Variants in CEP192 observed in about 807,000 individuals in gnomAD.
CEP192 encodes the protein centrosomal protein of 192 kDa.
A neutral mutation model predicts 271.8 loss-of-function variants in CEP192; 151 were observed. That is an observed-to-expected ratio of 0.56 (90% CI 0.49 to 0.64). CEP192 has a LOEUF of 0.64. Ranked by LOEUF, CEP192 falls within the 30% of genes least tolerant of loss-of-function variation. The probability of loss-of-function intolerance (pLI) is 0.00; values close to 1 mark genes in which losing one functional copy is unlikely to be tolerated. For missense variants in CEP192, 2,910 were observed against 3,020.5 expected, an observed-to-expected ratio of 0.96 and a Z score of 0.86; for synonymous variants, 995 against 1,076.5, an observed-to-expected ratio of 0.92 and a Z score of 1.48.
rs192374521 is a variant in CEP192, at chr18:13,040,932, C to T, written c.1912C>T (p.His638Tyr). Reference sequence around the variant, plus strand: ...AGGTAATTTGGAAAAAGAAATGGCTCATCTTAACCATGATCTATATTCAGG... The same window carrying T: ...AGGTAATTTGGAAAAAGAAATGGCTTATCTTAACCATGATCTATATTCAGG... ...SRGNLEKEMA[H>Y]LNHDLYSGDL... is the part of the protein sequence containing the mutation. Residue 638 changes from histidine to tyrosine, a missense_variant, in exon 14 of 45, where the codon CAT becomes TAT. By Grantham distance (83) the His-to-Tyr change is moderately conservative. Transcript: ENST00000506447. The T allele has an allele frequency of 3.7e-6, 6 of 1,610,840 alleles. No homozygotes were observed. In the East Asian group the frequency reaches 1.3e-4, roughly 36 times the overall value.
Position 13,065,987 on chromosome 18 carries a change from G to T in CEP192, c.4489-1844G>T, listed in dbSNP as rs529068073. Among the ~76,000 whole-genome samples, 145 of 152,222 alleles carry T rather than the reference G, an allele frequency of 9.5e-4. 1 individual carries two copies. Among genetic ancestry groups the T allele is most frequent in the African/African-American group, 3.3e-3 (139 of 41,536 alleles). ...CTAGTCACTAGTAATTCGGTCACCA[G>T]GCAAATCAAGCCTGCAAGAAAGGAA... On this transcript the variant is annotated intron_variant, in intron 21 of 44. Coordinates refer to ENST00000506447, the MANE Select transcript of CEP192 (RefSeq NM_032142.4).
chr18:13,021,591 C>A (rs1451395434), intron 9 of CEP192, among the ~76,000 whole-genome samples: 1 of 152,142 alleles, frequency 6.6e-6, no homozygotes, highest in South Asian at 2.1e-4. Flanking sequence ...TTGGCTGAGG[C>A]CCTTTGCAAT....
chr18:13,061,514 A>G (rs1049850964), intron 21 of CEP192, among the ~76,000 whole-genome samples: 1 of 152,208 alleles, frequency 6.6e-6, no homozygotes, highest in African/African-American at 2.4e-5. Flanking sequence ...TTTATTTTCT[A>G]GGGCATGGAG....
At chr18:13,019,271 T>C (rs2143182700) in intron 9 of CEP192, 65 bp downstream of exon 9, 1 of 1,306,132 alleles carries the variant, frequency 7.7e-7, no homozygotes, top group Non-Finnish European at 1.0e-6. Flanking sequence ...TGTGTTTATA[T>C]GATATCAGTT....
rs760872730 is a variant in CEP192 at position 13,049,842 on chromosome 18, C to T, written c.2968C>T (p.Pro990Ser). 9.9e-6 allele frequency: 16 copies of T among 1,613,898 alleles called. No individual in the cohort carries two copies. Among genetic ancestry groups the T allele is most frequent in the Non-Finnish European group, 9.3e-6 (11 of 1,179,796 alleles). ...EQESFRPSTS[P>S]LSHSSPSEIS... is the part of the protein sequence containing the mutation. ...GGAGAGCTTCAGACCTTCCACGTCACCACTGAGTCATTCTTCTCCTAGTGA... is the reference window on the plus strand; with the variant it reads ...GGAGAGCTTCAGACCTTCCACGTCATCACTGAGTCATTCTTCTCCTAGTGA... The change falls in exon 17 of 45, where the codon CCA becomes TCA. Residue 990 changes from proline (P) to serine (S), a missense_variant. Transcript: ENST00000506447.
intron 44 of CEP192, among the ~76,000 whole-genome samples, chr18:13,121,622 C>G (rs1320821592): frequency 6.6e-6 from 1 of 152,164 alleles, no homozygotes; most frequent in African/African-American, 2.4e-5. Context: ...GAGATCATCT[C>G]TTTCTTATAT....
intron 11 of CEP192, among the ~76,000 whole-genome samples, chr18:13,032,218 C>T (rs926410551): frequency 1.3e-5 from 2 of 151,988 alleles, no homozygotes; most frequent in African/African-American, 2.4e-5. Flanking sequence ...TAGTGAAAGA[C>T]GTAGAAGTAA....
intron 30 of CEP192, among the ~76,000 whole-genome samples, chr18:13,082,509 G>A (rs565568132): frequency 8.6e-6 from 1 of 116,918 alleles, no homozygotes; most frequent in African/African-American, 3.3e-5. Context: ...TTGAGCCTAT[G>A]TGTGTCTCTG....
chr18:13,011,139 A>C (rs1472617097), intron 4 of CEP192, among the ~76,000 whole-genome samples: 1 of 151,440 alleles, frequency 6.6e-6, no homozygotes, highest in Non-Finnish European at 1.5e-5. Flanking sequence ...AGGCGGGAGA[A>C]TCACTTGAAC....
At position 13,056,297 on chromosome 18, in the gene CEP192, C is replaced by T. The variant is rs543577616; in HGVS notation, c.3707C>T (p.Ser1236Phe). ...ATTCCCAGCAGCACAGTTCACAGCTCTGTGGCTGACATGCAGAACATGCCT... is the reference window on the plus strand; with the variant it reads ...ATTCCCAGCAGCACAGTTCACAGCTTTGTGGCTGACATGCAGAACATGCCT... Reference protein sequence around the residue: ...TPIPSSTVHSSVADMQNMPAA... With the variant: ...TPIPSSTVHSFVADMQNMPAA... The change falls in exon 19 of 45, where the codon TCT becomes TTT. Residue 1236 changes from serine (S) to phenylalanine (F), a missense_variant. Physicochemically the swap from Ser to Phe is radical, Grantham distance 155. Coordinates refer to ENST00000506447, the MANE Select transcript of CEP192 (RefSeq NM_032142.4). The T allele has an allele frequency of 3.1e-6, 5 of 1,614,134 alleles. No individual in the cohort carries two copies. In the South Asian group the frequency reaches 4.4e-5, roughly 14 times the overall value.
At chr18:13,083,388 T>A (rs2038728581) in intron 30 of CEP192, among the ~76,000 whole-genome samples, 1 of 152,252 alleles carries the variant, frequency 6.6e-6, no homozygotes, top group African/African-American at 2.4e-5. Flanking sequence ...TGATATCCTT[T>A]CGCCCACTTG....
chr18:13,019,402 A>G (rs891886531), intron 9 of CEP192, among the ~76,000 whole-genome samples, 196 bp downstream of exon 9: 3 of 152,134 alleles, frequency 2.0e-5, no homozygotes, highest in Non-Finnish European at 4.4e-5. Flanking sequence ...GCATTTAAAT[A>G]TTTATTGACT....
chr18:13,106,509 TACCACCACC>T (rs761390676), intron 40 of CEP192, among the ~76,000 whole-genome samples: 39 of 136,944 alleles, frequency 2.8e-4, no homozygotes, highest in South Asian at 1.9e-3. Flanking sequence ...CACCATTTCC[TACCACCACC>T]ACCACCACCA....
intron 21 of CEP192, among the ~76,000 whole-genome samples, chr18:13,061,094 G>A (rs1245733005): frequency 3.3e-5 from 5 of 152,240 alleles, no homozygotes; most frequent in Admixed American, 1.3e-4. Flanking sequence ...AGGCCGAGGC[G>A]GGCAGATCAC....
chr18:13,034,412 A>C (rs1421089684), intron 11 of CEP192, among the ~76,000 whole-genome samples: 1 of 152,226 alleles, frequency 6.6e-6, no homozygotes, highest in African/African-American at 2.4e-5. Context: ...GGAGATATTC[A>C]GAAAAGGAAG....
At chr18:13,084,730 G>T (rs1322405903) in intron 30 of CEP192, among the ~76,000 whole-genome samples, 1 of 152,092 alleles carries the variant, frequency 6.6e-6, no homozygotes, top group East Asian at 1.9e-4. Context: ...CTGCAGACCG[G>T]AGCTGTTCTT....
chr18:13,120,062 G>A (rs1172741630), intron 44 of CEP192, among the ~76,000 whole-genome samples: 1 of 152,012 alleles, frequency 6.6e-6, no homozygotes, highest in Admixed American at 6.6e-5. Flanking sequence ...TGCTTAATTT[G>A]CCTTCACAGA....
Position 13,030,010 on chromosome 18 carries a change from G to A in CEP192, c.1390+8G>A. 1 of 1,520,720 alleles carries A rather than the reference G, an allele frequency of 6.6e-7. No individual in the cohort carries two copies. 94.2% of individuals were successfully genotyped at this position (1,520,720 alleles called of 1,614,324 possible). On this transcript the variant is annotated splice_region_variant and intron_variant, in intron 10 of 44. Coordinates refer to ENST00000506447, the MANE Select transcript of CEP192 (RefSeq NM_032142.4). ...TCGAAAAGAATAAAGACAGTAAGTG[G>A]ACTTTTTAAAAAATAGAGTGAAAGA...
rs1217221977 is a variant in CEP192 at position 13,015,320 on chromosome 18, T to C, written c.520-8T>C. ...TGCTTCTCTTACTTGCCATTTTGTT[T>C]CTTATAGATTGTTGTGCTTGATGCT... On this transcript the variant is annotated splice_polypyrimidine_tract_variant and splice_region_variant and intron_variant, in intron 5 of 44. Coordinates refer to ENST00000506447, the MANE Select transcript of CEP192 (RefSeq NM_032142.4). 7.7e-6 allele frequency: 12 copies of C among 1,549,016 alleles called. No individual in the cohort carries two copies. Among genetic ancestry groups the C allele is most frequent in the Non-Finnish European group, 1.0e-5 (12 of 1,146,300 alleles).
Sources: gnomAD v4.1 joint callset for allele counts (sites outside exome capture counted in the v4.1 genomes callset) on GRCh38, gnomAD v4.1.1 for gene constraint, MANE v1.5 for transcripts, NCBI Gene and HGNC (gene_info 2026-07-23, HGNC 2026-07-21) for gene names.